The following VDR variants were observed in gnomAD, a reference collection of about 807,000 sequenced individuals.
VDR encodes the protein vitamin D receptor.
VDR carries 19 observed loss-of-function variants against 39.7 expected under a neutral mutation model. That is an observed-to-expected ratio of 0.48 (90% CI 0.33 to 0.70). The LOEUF (loss-of-function observed/expected upper bound fraction) is 0.70, where lower values mean the gene tolerates loss of function less well. Ranked by LOEUF, VDR falls within the 30% of genes least tolerant of loss-of-function variation. The pLI is 0.02. For synonymous variants in VDR, 242 were observed against 215.8 expected (o/e 1.12, Z -1.07); for missense variants, 442 against 570.5 (o/e 0.77, Z 2.29).
In VDR at chr12:47,865,050, C is replaced by T. The variant is rs1211812683; in HGVS notation, c.274G>A (p.Glu92Lys). Reference sequence around the variant, plus strand: ...TGCCCAGCCCCTGGACACTCACACTCCTTCATCATGCCGATGTCCACACAG... The same window carrying T: ...TGCCCAGCCCCTGGACACTCACACTTCTTCATCATGCCGATGTCCACACAG... ...KRCVDIGMMK[E>K]FILTDEEVQR... The change falls in exon 4 of 10, where the codon GAG (glutamate) becomes AAG (lysine). Residue 92 changes from glutamate (E) to lysine (K), a missense_variant. Glu to Lys is a moderately conservative substitution (Grantham distance 56). Coordinates refer to ENST00000549336, the MANE Select transcript of VDR (RefSeq NM_000376.3). 6 of 1,613,464 alleles carry T rather than the reference C, an allele frequency of 3.7e-6. No individual in the cohort carries two copies. The East Asian group carries it at 6.7e-5, about 18-fold the overall frequency.
rs371806494 is a variant in VDR, at chr12:47,879,499, C to T, written c.-2-384G>A. On this transcript the variant is annotated intron_variant, in intron 2 of 9. Transcript: ENST00000549336. ...ATTCATGCTACTGGCACTAGCTCTG[C>T]CTCAGGCACAGACCTGAACCAGGTC... Among the ~76,000 whole-genome samples, 125 of 152,330 alleles carry T rather than the reference C, an allele frequency of 8.2e-4. 1 individual carries two copies. Among genetic ancestry groups the T allele is most frequent in the African/African-American group, 2.9e-3 (121 of 41,574 alleles).
At chr12:47,882,623 G>GGGCCCGGGGGCC in intron 2 of VDR, 71 bp downstream of exon 2, 1 of 543,282 alleles carries the variant, frequency 1.8e-6, no homozygotes. Context: ...ACCTTCTTAT[G>GGGCCCGGGGGCC]CCCCTCCCCC....
At chr12:47,875,973 A>G (rs1002296649) in intron 3 of VDR, among the ~76,000 whole-genome samples, 1 of 152,234 alleles carries the variant, frequency 6.6e-6, no homozygotes, top group Non-Finnish European at 1.5e-5. Context: ...ACAGCAGTGC[A>G]GCACTACGCT....
intron 1 of VDR, among the ~76,000 whole-genome samples, chr12:47,888,692 T>C (rs528065877): frequency 1.2e-4 from 19 of 152,076 alleles, no homozygotes; most frequent in Non-Finnish European, 2.2e-4. Flanking sequence ...ATCTCTCTGG[T>C]TTTACAACTG....
chr12:47,889,298 G>A (rs534129119), intron 1 of VDR, among the ~76,000 whole-genome samples: 268 of 152,264 alleles, frequency 1.8e-3, no homozygotes, highest in African/African-American at 5.6e-3. Flanking sequence ...GGGCGAGGAT[G>A]TGGTGTGGGG....
At chr12:47,884,330 G>T (rs1592142045) in intron 1 of VDR, among the ~76,000 whole-genome samples, 1 of 152,314 alleles carries the variant, frequency 6.6e-6, no homozygotes, top group East Asian at 1.9e-4. Flanking sequence ...CCTCACAACA[G>T]TTCTGTGAGG....
chr12:47,901,341 T>A (rs1171008581), intron 1 of VDR: 2 of 155,228 alleles, frequency 1.3e-5, no homozygotes, highest in Non-Finnish European at 2.9e-5. Context: ...GGCAGGACAG[T>A]TTCTCTTCCA....
Position 47,845,017 on chromosome 12 carries a change from G to A in VDR, c.1025-12C>T. On this transcript the variant is annotated splice_polypyrimidine_tract_variant and intron_variant, in intron 9 of 9. Transcript: ENST00000549336. ...CACCCCAGGACGATCTGTGGGCACG[G>A]GGATAGAGAAGAAGGCACAGGAGCT... is the stretch of plus-strand genomic sequence containing the variant. 1.2e-6 allele frequency: 2 copies of A among 1,610,300 alleles called. No individual in the cohort carries two copies. The highest frequency in any genetic ancestry group is 1.3e-5 in the African/African-American group (1 of 74,942).
intron 6 of VDR, among the ~76,000 whole-genome samples, chr12:47,856,622 TA>T (rs61388360): frequency 0.01 from 1,264 of 126,140 alleles, 12 homozygotes; most frequent in African/African-American, 0.027. Context: ...GTGTTTTTTT[TA>T]AAAAAAAAAA....
In VDR at chr12:47,879,043, C is replaced by G. The variant is rs1267829972; in HGVS notation, c.71G>C (p.Cys24Ser). The G allele has an allele frequency of 1.5e-5, 24 of 1,614,090 alleles. No individual in the cohort carries two copies. The highest frequency in any genetic ancestry group is 1.2e-5 in the Non-Finnish European group (14 of 1,180,020). The part of the protein sequence containing the change: ...GDFDRNVPRI[C>S]GVCGDRATGF... ...AGTGGCTCGGTCTCCACACACCCCA[C>G]AGATCCGGGGCACGTTCCGGTCAAA... is the stretch of plus-strand genomic sequence containing the variant. Residue 24 changes from cysteine to serine, a missense_variant, in exon 3 of 10, where the codon TGT becomes TCT. Coordinates refer to ENST00000549336, the MANE Select transcript of VDR (RefSeq NM_000376.3).
At chr12:47,882,858 T>C (rs1156612154) in intron 1 of VDR, 84 bp from the exon 2 acceptor site, 1 of 1,113,464 alleles carries the variant, frequency 9.0e-7, no homozygotes, top group African/African-American at 1.6e-5. Context: ...CACGAGAGGC[T>C]CTTTCCAGGG....
chr12:47,879,185 C>A, intron 2 of VDR, 70 bp from the exon 3 acceptor site: 1 of 1,555,238 alleles, frequency 6.4e-7, no homozygotes. Flanking sequence ...ATCCTTGGTG[C>A]CACCCACCCC....
chr12:47,894,403 A>G (rs1390672135), intron 1 of VDR, among the ~76,000 whole-genome samples: 2 of 152,234 alleles, frequency 1.3e-5, no homozygotes, highest in Non-Finnish European at 2.9e-5. Flanking sequence ...TTCAATTAAA[A>G]GACTTGTGGG....
At position 47,846,327 on chromosome 12, in the gene VDR, C is replaced by T. The variant is rs765258486; in HGVS notation, c.1024+8G>A. ...GGTCCCTGAGCTCCTCCCTGCCTGG[C>T]CCCATACCTGGGGAGACGATGCAGA... On this transcript the variant is annotated splice_region_variant and intron_variant, in intron 9 of 9. Transcript: ENST00000549336. 4.2e-5 allele frequency: 68 copies of T among 1,606,964 alleles called. No individual in the cohort carries two copies. Among genetic ancestry groups the T allele is most frequent in the Non-Finnish European group, 5.7e-5 (67 of 1,178,148 alleles).
intron 9 of VDR, 136 bp downstream of exon 9, chr12:47,846,199 A>G (rs1016532946): frequency 7.3e-5 from 54 of 743,420 alleles, no homozygotes; most frequent in Non-Finnish European, 1.2e-4. Context: ...GCAAACCAGC[A>G]AAGTAGGTAT....
rs11574085 is a variant in VDR at position 47,857,011 on chromosome 12, T to A, written c.583+118A>T. 0.055 allele frequency: 83,187 copies of A among 1,499,514 alleles called. 2,741 individuals are homozygous for A. Among genetic ancestry groups the A allele is most frequent in the Non-Finnish European group, 0.063 (68,712 of 1,086,116 alleles). The allele number at this position is 1,499,514 out of a possible 1,614,324, so 92.9% of individuals were successfully genotyped here. A position where few individuals can be genotyped will look rare whatever the true frequency, so the allele number is the denominator to read the frequency against. On this transcript the variant is annotated intron_variant, in intron 6 of 9. Transcript: ENST00000549336. ...GAAGACGCTGCATAGCGCACAGTAT[T>A]TATGTAAGTTTCCATTAGGGAGCCT...
Position 47,879,061 on chromosome 12 carries a change from C to T in VDR, c.53G>A (p.Arg18Gln), listed in dbSNP as rs115085431. 35 of 1,614,164 alleles carry T rather than the reference C, an allele frequency of 2.2e-5. No homozygotes were observed. Among genetic ancestry groups the T allele is most frequent in the Admixed American group, 1.2e-4 (7 of 60,018 alleles). ...TSLPDPGDFD[R>Q]NVPRICGVCG... The stretch of plus-strand genomic sequence containing the variant: ...CACCCCACAGATCCGGGGCACGTTC[C>T]GGTCAAAGTCTCCAGGGTCAGGCAG... The change falls in exon 3 of 10, where the codon CGG becomes CAG. Residue 18 changes from arginine (R) to glutamine (Q), a missense_variant. Physicochemically the swap from Arg to Gln is conservative, Grantham distance 43 (BLOSUM62 1). Coordinates refer to ENST00000549336, the MANE Select transcript of VDR (RefSeq NM_000376.3).
chr12:47,854,234 G>A (rs560293207), intron 7 of VDR, among the ~76,000 whole-genome samples: 23 of 152,138 alleles, frequency 1.5e-4, no homozygotes, highest in Non-Finnish European at 2.9e-4. Flanking sequence ...TGATTCTCCT[G>A]CCTCAGCCTC....
At chr12:47,853,090 C>G (rs1945417284) in intron 7 of VDR, among the ~76,000 whole-genome samples, 1 of 152,154 alleles carries the variant, frequency 6.6e-6, no homozygotes, top group African/African-American at 2.4e-5. Flanking sequence ...AATGAAGATA[C>G]AAATATACAT....
Sources: allele counts gnomAD v4.1 joint callset (sites outside exome capture counted in the v4.1 genomes callset), GRCh38; gene constraint gnomAD v4.1.1; transcripts MANE v1.5; gene names NCBI Gene and HGNC (gene_info 2026-07-23, HGNC 2026-07-21).